THRB: variants seen among roughly 807,000 people sequenced by gnomAD.
The protein encoded by THRB is thyroid hormone receptor beta, also known as nuclear receptor subfamily 1 group A member 2.
A neutral mutation model predicts 47.8 loss-of-function variants in THRB; 12 were observed. The ratio of observed to expected loss-of-function variants is 0.25; its 90% confidence interval spans 0.16 to 0.41. The LOEUF is 0.41. Among genes scored for constraint, THRB ranks in the 10% least tolerant of loss-of-function variants. THRB has a pLI of 1.00. For missense variants in THRB, 348 were observed against 589.2 expected, an observed-to-expected ratio of 0.59 and a Z score of 4.24; for synonymous variants, 218 against 212.2, an observed-to-expected ratio of 1.03 and a Z score of -0.24.
chr3:24,165,398 C>A, intron 5 of THRB: 2 of 725,556 alleles, frequency 2.8e-6, no homozygotes, highest in South Asian at 3.0e-5. Context: ...TACACACAGT[C>A]TACGCATGCA....
At chr3:24,287,623 A>G (rs569746196) in intron 3 of THRB, among the ~76,000 whole-genome samples, 2 of 152,312 alleles carry the variant, frequency 1.3e-5, no homozygotes, top group East Asian at 1.9e-4. Flanking sequence ...TTTCAACAGG[A>G]GCGTTGTCCC....
intron 5 of THRB, among the ~76,000 whole-genome samples, chr3:24,186,389 C>G (rs1246602519): frequency 8.1e-6 from 1 of 124,164 alleles, no homozygotes; most frequent in African/African-American, 3.0e-5. Flanking sequence ...GCAATTGGTT[C>G]AAATTGTGAT....
At chr3:24,200,860 C>T (rs979591801) in intron 4 of THRB, among the ~76,000 whole-genome samples, 20 of 152,222 alleles carry the variant, frequency 1.3e-4, no homozygotes, top group South Asian at 4.2e-4. Flanking sequence ...TGAGAGCAGG[C>T]GCTTTTGGGA....
At chr3:24,490,930 G>C (rs1698054889) in intron 1 of THRB, among the ~76,000 whole-genome samples, 1 of 152,058 alleles carries the variant, frequency 6.6e-6, no homozygotes, top group Non-Finnish European at 1.5e-5. Context: ...CCATTCCAGA[G>C]TTGGTAACAA....
Position 24,143,596 on chromosome 3 carries a change from T to C in THRB, c.643A>G (p.Thr215Ala). 7 of 1,614,236 alleles carry C rather than the reference T, an allele frequency of 4.3e-6. No homozygotes were observed. Among genetic ancestry groups the C allele is most frequent in the Non-Finnish European group, 5.9e-6 (7 of 1,180,032 alleles). ...QKSIGHKPEPTDEEWELIKTV... is the reference protein window; with the variant it reads ...QKSIGHKPEPADEEWELIKTV... ...TTGATGAGCTCCCATTCCTCGTCTGTGGGCTCTGGCTTGTGCCCGATGGAC... is the reference window on the plus strand; with the variant it reads ...TTGATGAGCTCCCATTCCTCGTCTGCGGGCTCTGGCTTGTGCCCGATGGAC... The change falls in exon 8 of 11, where the codon ACA becomes GCA. Residue 215 changes from threonine (T) to alanine (A), a missense_variant. Thr to Ala is a moderately conservative substitution (Grantham distance 58). Coordinates refer to ENST00000646209, the MANE Select transcript of THRB (RefSeq NM_001354712.2).
chr3:24,152,971 AAAGAAAGAAAGAAAG>A (rs1436139322), intron 5 of THRB, among the ~76,000 whole-genome samples: 1 of 12,440 alleles, frequency 8.0e-5, no homozygotes, highest in African/African-American at 1.8e-4. Flanking sequence ...AAAAAAAAAA[AAAGAAAGAAAGAAAG>A]AAAGAAAGAA....
At chr3:24,212,038 C>A (rs6783910) in intron 4 of THRB, among the ~76,000 whole-genome samples, 2 of 151,788 alleles carry the variant, frequency 1.3e-5, no homozygotes, top group Non-Finnish European at 2.9e-5. Context: ...CTGAGGCAGG[C>A]GGATCACCTG....
intron 2 of THRB, among the ~76,000 whole-genome samples, chr3:24,300,583 T>C (rs559526823): frequency 3.1e-4 from 47 of 152,336 alleles, no homozygotes; most frequent in African/African-American, 1.1e-3. Flanking sequence ...ATATATGATA[T>C]CTCCCTGTGT....
intron 4 of THRB, among the ~76,000 whole-genome samples, chr3:24,208,783 G>A (rs981722463): frequency 1.3e-5 from 2 of 152,170 alleles, no homozygotes; most frequent in African/African-American, 4.8e-5. Flanking sequence ...CGGGACATAG[G>A]CATGGGCAAG....
intron 3 of THRB, among the ~76,000 whole-genome samples, chr3:24,274,609 T>C (rs542307761): frequency 2.0e-5 from 3 of 152,322 alleles, no homozygotes; most frequent in Admixed American, 6.5e-5. Context: ...TATTTCTTTT[T>C]TTAAATTATC....
chr3:24,271,853 A>C (rs376245256), intron 3 of THRB, among the ~76,000 whole-genome samples: 12 of 152,270 alleles, frequency 7.9e-5, no homozygotes, highest in East Asian at 7.7e-4. Context: ...TTTGTTTCCC[A>C]ATAGTAAAGG....
intron 9 of THRB, among the ~76,000 whole-genome samples, chr3:24,129,807 C>T (rs375913938): frequency 1.3e-5 from 2 of 152,206 alleles, no homozygotes; most frequent in Admixed American, 1.3e-4. Context: ...CAGGGCCCTG[C>T]ACTCTAGGAG....
chr3:24,208,278 G>A (rs1011066819), intron 4 of THRB, among the ~76,000 whole-genome samples: 16 of 152,108 alleles, frequency 1.1e-4, no homozygotes, highest in African/African-American at 3.6e-4. Flanking sequence ...ACTGCCCAAG[G>A]TAATTTATAG....
chr3:24,494,337 G>C (rs1029626318), intron 1 of THRB: 17 of 152,362 alleles, frequency 1.1e-4, no homozygotes, highest in African/African-American at 3.6e-4. Flanking sequence ...CTGGGCTTGG[G>C]GTTTGAGGAA....
In THRB at chr3:24,176,905, G is replaced by T. The variant is rs562149242; in HGVS notation, c.283+13169C>A. 8.5e-5 allele frequency among the ~76,000 whole-genome samples: 13 copies of T among 152,208 alleles called. No individual in the cohort carries two copies. In the East Asian group the frequency reaches 2.5e-3, roughly 29 times the overall value. On this transcript the variant is annotated intron_variant, in intron 5 of 10. Coordinates refer to ENST00000646209, the MANE Select transcript of THRB (RefSeq NM_001354712.2). ...CTCTGTAAATATACTAACAATCATTGAACTATACACTTAAAACAGGGGAAT... is the reference window on the plus strand; with the variant it reads ...CTCTGTAAATATACTAACAATCATTTAACTATACACTTAAAACAGGGGAAT...
intron 2 of THRB, among the ~76,000 whole-genome samples, chr3:24,323,883 T>C (rs567677284): frequency 1.3e-5 from 2 of 152,364 alleles, no homozygotes; most frequent in East Asian, 3.9e-4. Flanking sequence ...TAGGTTTCTC[T>C]TTGAATTTCA....
chr3:24,313,220 C>T (rs2057878384), intron 2 of THRB, among the ~76,000 whole-genome samples: 1 of 152,202 alleles, frequency 6.6e-6, no homozygotes, highest in Non-Finnish European at 1.5e-5. Flanking sequence ...CAGTCTCCAA[C>T]CTTCTCTCTT....
chr3:24,398,471 GA>G (rs1429818946), intron 1 of THRB, among the ~76,000 whole-genome samples: 1 of 152,268 alleles, frequency 6.6e-6, no homozygotes, highest in East Asian at 1.9e-4. Flanking sequence ...ACAGACACAT[GA>G]AAAAATGCTC....
chr3:24,381,464 C>T (rs1006712806), intron 1 of THRB, among the ~76,000 whole-genome samples: 3 of 152,146 alleles, frequency 2.0e-5, no homozygotes, highest in Non-Finnish European at 2.9e-5. Context: ...TGGCTCACTA[C>T]CACCACATTG....
Sources: gnomAD v4.1 joint callset for allele counts (sites outside exome capture counted in the v4.1 genomes callset) on GRCh38, gnomAD v4.1.1 for gene constraint, MANE v1.5 for transcripts, NCBI Gene and HGNC (gene_info 2026-07-23, HGNC 2026-07-21) for gene names.